KLHL13: variants seen among roughly 807,000 people sequenced by gnomAD.
The protein encoded by KLHL13 is kelch like family member 13.
A neutral mutation model predicts 37.1 loss-of-function variants in KLHL13; 10 were observed. The observed-to-expected ratio is 0.27, with a 90% CI of 0.17 to 0.46. The LOEUF is 0.46. KLHL13 is among the 20% of genes least tolerant of loss of function. The probability of loss-of-function intolerance (pLI) is 1.00; values close to 1 mark genes in which losing one functional copy is unlikely to be tolerated. For missense variants in KLHL13, 360 were observed against 509.3 expected (o/e 0.71, Z 2.82); for synonymous variants, 163 against 181.2 (o/e 0.90, Z 0.81).
At chrX:117,938,593 C>T (rs1409446256) in intron 2 of KLHL13, among the ~76,000 whole-genome samples, 1 of 111,528 alleles carries the variant, frequency 9.0e-6, no homozygotes, top group African/African-American at 3.3e-5. Context: ...TCTCTCACTG[C>T]ACTACAGTGG....
intron 1 of KLHL13, among the ~76,000 whole-genome samples, chrX:118,114,636 C>A (rs1569321329): frequency 8.9e-6 from 1 of 112,104 alleles, no homozygotes; most frequent in South Asian, 3.7e-4. Context: ...AATAAGTACC[C>A]TTTCCCTACT....
intron 1 of KLHL13, among the ~76,000 whole-genome samples, chrX:118,104,048 T>TAAA (rs60645250): frequency 2.3e-5 from 1 of 42,575 alleles, no homozygotes; most frequent in African/African-American, 8.9e-5. Flanking sequence ...TCATTTCCAC[T>TAAA]AAAAAAAAAA....
At chrX:118,009,852 T>C (rs201550671) in intron 1 of KLHL13, among the ~76,000 whole-genome samples, 1 of 95,778 alleles carries the variant, frequency 1.0e-5, no homozygotes, top group Non-Finnish European at 2.1e-5. Context: ...AGTATGGCCA[T>C]TTTCACGATA....
At chrX:117,964,253 C>A (rs2053369674) in intron 1 of KLHL13, among the ~76,000 whole-genome samples, 1 of 111,723 alleles carries the variant, frequency 9.0e-6, no homozygotes, top group African/African-American at 3.3e-5. Context: ...CATGTGTTAT[C>A]TACCTCCAGT....
chrX:118,065,371 T>G (rs1569307018), intron 1 of KLHL13, among the ~76,000 whole-genome samples: 1 of 111,590 alleles, frequency 9.0e-6, no homozygotes, highest in Non-Finnish European at 1.9e-5. Context: ...CTTCTCAGTC[T>G]CTGAGAACTG....
intron 1 of KLHL13, among the ~76,000 whole-genome samples, chrX:118,085,851 T>A (rs1315881615): frequency 9.5e-6 from 1 of 105,309 alleles, no homozygotes; most frequent in South Asian, 4.4e-4. Context: ...GTATCATATA[T>A]TCTTCATCCA....
chrX:117,976,652 G>A (rs961826949), upstream of KLHL13, among the ~76,000 whole-genome samples: 5 of 112,185 alleles, frequency 4.5e-5, no homozygotes, highest in South Asian at 3.7e-4. Context: ...TGGTCACATC[G>A]TAGGAAACAC....
intron 1 of KLHL13, among the ~76,000 whole-genome samples, chrX:118,069,989 G>A (rs2054840989): frequency 9.0e-6 from 1 of 111,520 alleles, no homozygotes; most frequent in Admixed American, 9.5e-5. Flanking sequence ...CCTTTTATAT[G>A]CTTAGATATA....
At chrX:118,054,024 C>T (rs949160444) in intron 1 of KLHL13, among the ~76,000 whole-genome samples, 4 of 110,808 alleles carry the variant, frequency 3.6e-5, no homozygotes, top group East Asian at 2.8e-4. Context: ...AGAAGAAAAA[C>T]GCTTACAAAA....
intron 4 of KLHL13, among the ~76,000 whole-genome samples, chrX:117,913,720 G>T (rs1265275413): frequency 9.1e-6 from 1 of 110,396 alleles, no homozygotes; most frequent in Non-Finnish European, 1.9e-5. Flanking sequence ...GCACACGCCT[G>T]TATTCCCAGC....
chrX:118,093,268 T>C (rs1016698478), intron 1 of KLHL13, among the ~76,000 whole-genome samples: 1 of 112,181 alleles, frequency 8.9e-6, no homozygotes, highest in African/African-American at 3.2e-5. Context: ...CAGATAATAC[T>C]AGTTATATAA....
intron 5 of KLHL13, among the ~76,000 whole-genome samples, chrX:117,906,957 T>G (rs1930585230): frequency 9.0e-6 from 1 of 111,661 alleles, no homozygotes; most frequent in Admixed American, 9.5e-5. Context: ...GGACCTATAT[T>G]TACCATTAGA....
chrX:118,095,294 A>C (rs1376995851), intron 1 of KLHL13, among the ~76,000 whole-genome samples: 127 of 110,971 alleles, frequency 1.1e-3, no homozygotes, highest in Non-Finnish European at 2.0e-3. Flanking sequence ...GAGACAAAGA[A>C]GGCCATTACA....
intron 2 of KLHL13, among the ~76,000 whole-genome samples, chrX:117,928,724 C>T (rs192900824): frequency 0.011 from 1,180 of 111,223 alleles, 21 homozygotes; most frequent in African/African-American, 0.036. Context: ...CAGTCAATGA[C>T]TATATTAAAA....
intron 2 of KLHL13, among the ~76,000 whole-genome samples, chrX:117,922,038 A>T (rs1931733607): frequency 1.8e-5 from 2 of 112,013 alleles, no homozygotes; most frequent in African/African-American, 6.5e-5. Flanking sequence ...CTATGCCACT[A>T]TTTTTATTTT....
chrX:117,971,264 T>A (rs1478656656), intron 1 of KLHL13, among the ~76,000 whole-genome samples: 1 of 111,421 alleles, frequency 9.0e-6, no homozygotes, highest in African/African-American at 3.3e-5. Flanking sequence ...TAACCTGATT[T>A]TAGTGAGGTT....
In KLHL13 at chrX:117,984,275, C is replaced by A. The variant is rs956587890; in HGVS notation, c.-55-38700G>T. Among the ~76,000 whole-genome samples, 10 of 111,581 alleles carry A rather than the reference C, an allele frequency of 9.0e-5. No homozygotes were observed. The East Asian group carries it at 2.8e-3, about 31-fold the overall frequency. Reference sequence around the variant, plus strand: ...GAAGCACTACAGTATAGGCTGTTGACAGTCAACTCTCTTAAAAAATTAAAG... The same window carrying A: ...GAAGCACTACAGTATAGGCTGTTGAAAGTCAACTCTCTTAAAAAATTAAAG... On this transcript the variant is annotated intron_variant, in intron 1 of 6. Transcript: ENST00000371882.
At chrX:117,903,786 T>A (rs1233059790) in intron 5 of KLHL13, among the ~76,000 whole-genome samples, 1 of 110,922 alleles carries the variant, frequency 9.0e-6, no homozygotes, top group African/African-American at 3.3e-5. Context: ...ATCATCTTCA[T>A]CTGCTTGAAG....
chrX:118,015,949 G>A (rs1486998974), intron 1 of KLHL13, among the ~76,000 whole-genome samples: 1 of 110,877 alleles, frequency 9.0e-6, no homozygotes, highest in Non-Finnish European at 1.9e-5. Context: ...GATAAAACCA[G>A]ACCCTCACAA....
Sources: allele counts gnomAD v4.1 joint callset (sites outside exome capture counted in the v4.1 genomes callset), GRCh38; gene constraint gnomAD v4.1.1; transcripts MANE v1.5; gene names NCBI Gene and HGNC (gene_info 2026-07-23, HGNC 2026-07-21).